ACYP2: variants seen among roughly 807,000 people sequenced by gnomAD.
The protein encoded by ACYP2 is acylphosphatase-2.
In ACYP2, 12 loss-of-function variants were observed where a neutral mutation model predicts 11.2. The observed-to-expected ratio is 1.08, with a 90% CI of 0.69 to 1.74. The LOEUF (loss-of-function observed/expected upper bound fraction) is 1.74. ACYP2 is among the 40% of genes most tolerant of loss of function. The pLI, the probability that ACYP2 is intolerant of heterozygous loss-of-function variation, is 0.00. For missense variants in ACYP2, 134 were observed against 101.9 expected (o/e 1.31, Z -1.35); for synonymous variants, 43 against 32.2 (o/e 1.33, Z -1.13).
chr2:54,108,553 G>T (rs1679291911), intron 4 of ACYP2, among the ~76,000 whole-genome samples: 1 of 152,184 alleles, frequency 6.6e-6, no homozygotes, highest in African/African-American at 2.4e-5. Flanking sequence ...ACCAGCTGAA[G>T]TCCACGCCTG....
chr2:54,168,791 G>A (rs180917660), intron 6 of ACYP2, among the ~76,000 whole-genome samples: 2 of 152,284 alleles, frequency 1.3e-5, no homozygotes, highest in Admixed American at 1.3e-4. Flanking sequence ...TGTAGAGGGT[G>A]TATTATAGAT....
chr2:54,086,673 T>TTG (rs139157031), intron 4 of ACYP2, among the ~76,000 whole-genome samples: 1 of 151,882 alleles, frequency 6.6e-6, no homozygotes, highest in Non-Finnish European at 1.5e-5. Context: ...GAAAGACAAA[T>TTG]TGTGTGTGTG....
At chr2:54,067,885 T>C (rs1558505579) in intron 4 of ACYP2, among the ~76,000 whole-genome samples, 1 of 152,252 alleles carries the variant, frequency 6.6e-6, no homozygotes, top group African/African-American at 2.4e-5. Context: ...CAAATTGCTT[T>C]ATTATTAGCC....
At chr2:54,154,666 T>C (rs1452713182) in intron 6 of ACYP2, among the ~76,000 whole-genome samples, 2 of 152,210 alleles carry the variant, frequency 1.3e-5, no homozygotes, top group Non-Finnish European at 2.9e-5. Context: ...GCTGTTGAAT[T>C]TGGCTTATTC....
At chr2:54,186,606 C>A (rs571095493) in intron 6 of ACYP2, among the ~76,000 whole-genome samples, 1 of 152,094 alleles carries the variant, frequency 6.6e-6, no homozygotes, top group East Asian at 1.9e-4. Context: ...CTCTGCCTCC[C>A]AGGTTCAAGT....
intron 4 of ACYP2, among the ~76,000 whole-genome samples, chr2:54,105,545 C>T (rs563354744): frequency 1.5e-4 from 23 of 152,162 alleles, no homozygotes; most frequent in African/African-American, 5.3e-4. Context: ...GTGGCATGAT[C>T]ATGGCTTACC....
chr2:54,222,549 CAAAA>C (rs10607204), intron 6 of ACYP2, among the ~76,000 whole-genome samples: 5 of 106,506 alleles, frequency 4.7e-5, no homozygotes, highest in Non-Finnish European at 4.0e-5. Flanking sequence ...GACTCTGTCT[CAAAA>C]AAAAAAAAAA....
At chr2:54,093,121 G>C (rs1333760287) in intron 4 of ACYP2, among the ~76,000 whole-genome samples, 3 of 152,118 alleles carry the variant, frequency 2.0e-5, no homozygotes, top group Non-Finnish European at 4.4e-5. Flanking sequence ...CCTCCTACAT[G>C]TAAGTCTCTG....
chr2:54,146,383 T>C (rs958146197), intron 6 of ACYP2, among the ~76,000 whole-genome samples: 3 of 152,106 alleles, frequency 2.0e-5, no homozygotes, highest in African/African-American at 7.2e-5. Flanking sequence ...ACAATTTCCT[T>C]CCCTATCTCT....
chr2:53,993,150 G>A (rs1345385986), intron 2 of ACYP2, among the ~76,000 whole-genome samples: 1 of 151,968 alleles, frequency 6.6e-6, no homozygotes, highest in Admixed American at 6.6e-5. Flanking sequence ...AGGTTGCGGT[G>A]AGCCGAGATG....
At chr2:54,093,509 CAG>C (rs1229476084) in intron 4 of ACYP2, among the ~76,000 whole-genome samples, 6 of 152,176 alleles carry the variant, frequency 3.9e-5, no homozygotes, top group African/African-American at 1.4e-4. Context: ...GTGAGTGAGG[CAG>C]AGAGAAGTAA....
intron 6 of ACYP2, among the ~76,000 whole-genome samples, chr2:54,292,057 A>G (rs1001884745): frequency 6.6e-6 from 1 of 152,198 alleles, no homozygotes; most frequent in African/African-American, 2.4e-5. Context: ...ATTTGAATGT[A>G]GCAGAAACAG....
intron 6 of ACYP2, among the ~76,000 whole-genome samples, chr2:54,303,843 A>T (rs975959301): frequency 2.6e-5 from 4 of 152,240 alleles, no homozygotes; most frequent in African/African-American, 9.6e-5. Context: ...TTTGTATAAA[A>T]CAGCCTTGTT....
chr2:54,201,594 CTCTTTCTTTCTTTCTT>C (rs1553391220), intron 6 of ACYP2, among the ~76,000 whole-genome samples: 1 of 95,742 alleles, frequency 1.0e-5, no homozygotes, highest in Non-Finnish European at 2.2e-5. Context: ...TTCTTTCTTT[CTCTTTCTTTCTTTCTT>C]TCTTTCTTTC....
chr2:54,119,481 A>C (rs1426207570), intron 4 of ACYP2, among the ~76,000 whole-genome samples: 2 of 152,254 alleles, frequency 1.3e-5, no homozygotes, highest in African/African-American at 4.8e-5. Context: ...AAGAACCTAT[A>C]ATTGGGAACA....
chr2:54,230,724 T>G (rs964727061), intron 6 of ACYP2, among the ~76,000 whole-genome samples: 1 of 151,812 alleles, frequency 6.6e-6, no homozygotes, highest in African/African-American at 2.4e-5. Flanking sequence ...TTAGACAAAC[T>G]CCACCAATTG....
chr2:54,005,362 C>T (rs1263343807), intron 2 of ACYP2, among the ~76,000 whole-genome samples: 4 of 142,232 alleles, frequency 2.8e-5, no homozygotes, highest in Non-Finnish European at 4.5e-5. Flanking sequence ...TTTTTTGAGA[C>T]GGAGTCTTAT....
chr2:54,098,918 A>ATAT (rs1678738624), intron 4 of ACYP2, among the ~76,000 whole-genome samples: 1 of 152,028 alleles, frequency 6.6e-6, no homozygotes, highest in Non-Finnish European at 1.5e-5. Flanking sequence ...TGTAGAGATG[A>ATAT]GGTCTTGCTA....
intron 6 of ACYP2, among the ~76,000 whole-genome samples, chr2:54,187,846 G>T (rs1684073423): frequency 6.6e-6 from 1 of 152,162 alleles, no homozygotes; most frequent in South Asian, 2.1e-4. Flanking sequence ...GTGTTGGGAG[G>T]TGGGGCCTAA....
Sources: gnomAD v4.1 joint callset for allele counts (sites outside exome capture counted in the v4.1 genomes callset) on GRCh38, gnomAD v4.1.1 for gene constraint, MANE v1.5 for transcripts, NCBI Gene and HGNC (gene_info 2026-07-23, HGNC 2026-07-21) for gene names.